The following CELA3A variants were observed in gnomAD, a reference collection of about 807,000 sequenced individuals.
CELA3A encodes the protein chymotrypsin like elastase 3A, also known as chymotrypsin-like elastase family member 3A.
A neutral mutation model predicts 38.6 loss-of-function variants in CELA3A; 35 were observed. That is an observed-to-expected ratio of 0.91 (90% CI 0.69 to 1.20). The LOEUF (loss-of-function observed/expected upper bound fraction) is 1.20. Among genes scored for constraint, CELA3A ranks in the 50% most tolerant of loss-of-function variants. The pLI, the probability that CELA3A is intolerant of heterozygous loss-of-function variation, is 0.00. For missense variants in CELA3A, 343 were observed against 354.2 expected (o/e 0.97, Z 0.25); for synonymous variants, 143 against 136.7 (o/e 1.05, Z -0.32).
Position 22,005,526 on chromosome 1 carries a change from C to T in CELA3A, c.209C>T (p.Thr70Ile), listed in dbSNP as rs564144786. Reference sequence around the variant, plus strand: ...CTCATCGCCCCCGATTGGGTTGTGACTGCCGGCCACTGCATCTCGTGAGTT... The same window carrying T: ...CTCATCGCCCCCGATTGGGTTGTGATTGCCGGCCACTGCATCTCGTGAGTT... ...GSLIAPDWVV[T>I]AGHCISRDLT... is the part of the protein sequence containing the mutation. Residue 70 changes from threonine to isoleucine, a missense_variant, in exon 3 of 8, where the codon ACT (threonine) becomes ATT (isoleucine). By Grantham distance (89) the Thr-to-Ile change is moderately conservative. Transcript: ENST00000290122. 21 of 1,612,918 alleles carry T rather than the reference C, an allele frequency of 1.3e-5. No homozygotes were observed. The highest frequency in any genetic ancestry group is 9.4e-5 in the African/African-American group (7 of 74,520).
intron 4 of CELA3A, 127 bp downstream of exon 4, chr1:22,005,923 A>G (rs1299907096): frequency 5.1e-6 from 8 of 1,555,396 alleles, no homozygotes; most frequent in Non-Finnish European, 7.0e-6. Context: ...GGGACAGGGG[A>G]GCTGAGTCCA....
At chr1:22,001,857 C>T in intron 1 of CELA3A, 140 bp downstream of exon 1, 3 of 1,217,322 alleles carry the variant, frequency 2.5e-6, no homozygotes, top group South Asian at 1.3e-5. Flanking sequence ...GGGGGCATGA[C>T]TGTAGGGGCT....
intron 6 of CELA3A, among the ~76,000 whole-genome samples, chr1:22,008,683 C>T (rs56925062): frequency 1.3e-5 from 2 of 149,870 alleles, no homozygotes; most frequent in African/African-American, 2.5e-5. Context: ...GGTGTGAACC[C>T]AGGAGTTGGA....
At position 22,003,689 on chromosome 1, in the gene CELA3A, A is replaced by G. The variant is rs185361093; in HGVS notation, c.129+601A>G. 6.0e-5 allele frequency among the ~76,000 whole-genome samples: 9 copies of G among 150,946 alleles called. No individual in the cohort carries two copies. The East Asian group carries it at 1.6e-3, about 26-fold the overall frequency. ...AGAGTGAGACTCTGTCTCAAAAAAA[A>G]AAATTAAATTAAATTATTATTACTA... On this transcript the variant is annotated intron_variant, in intron 2 of 7. Transcript: ENST00000290122.
In CELA3A at chr1:22,005,709, TGAA is replaced by T. The variant is rs1227776928; in HGVS notation, c.277_279del (p.Lys93del). On this transcript the variant is annotated inframe_deletion, in exon 4 of 8. Coordinates refer to ENST00000290122, the MANE Select transcript of CELA3A (RefSeq NM_005747.5). ...GTGTTGGGTGAGTACAACCTTGCTG[TGAA>T]GGAGGGCCCCGAGCAGGTGATCCCC... 6.2e-7 allele frequency: 1 copy of T among 1,612,208 alleles called. No individual in the cohort carries two copies. Among genetic ancestry groups the T allele is most frequent in the African/African-American group, 1.3e-5 (1 of 74,176 alleles).
chr1:22,008,173 C>T (rs536117813), intron 6 of CELA3A, among the ~76,000 whole-genome samples: 36 of 17,830 alleles, frequency 2.0e-3, no homozygotes, highest in African/African-American at 2.8e-3. Context: ...TTTTTTGAGA[C>T]AGGATCTTGC....
In CELA3A at chr1:22,008,541, C is replaced by T. The variant is rs1162327141; in HGVS notation, c.642+1026C>T. Among the ~76,000 whole-genome samples the T allele has an allele frequency of 1.3e-4, 19 of 150,662 alleles. 1 individual carries two copies. The highest frequency in any genetic ancestry group is 4.0e-4 in the East Asian group (2 of 5,046). ...TTGGGAGGCCGAGCCGGGCGGATCA[C>T]GAGGTCAGGAGATCGAGATCATCCT... On this transcript the variant is annotated intron_variant, in intron 6 of 7. Transcript: ENST00000290122.
chr1:22,006,315 T>C lies in CELA3A; in HGVS notation c.362+519T>C, dbSNP rs193142123. On this transcript the variant is annotated intron_variant, in intron 4 of 7. Transcript: ENST00000290122. ...TGACCATGAAGTTGGGCTTCCTGGG[T>C]GGTGTGAAGGCCAAGGAGACAATCT... 9.1e-4 allele frequency among the ~76,000 whole-genome samples: 138 copies of C among 151,406 alleles called. 2 individuals carry two copies. The highest frequency in any genetic ancestry group is 1.7e-3 in the Non-Finnish European group (115 of 67,914).
At chr1:22,008,179 C>A (rs374474997) in intron 6 of CELA3A, among the ~76,000 whole-genome samples, 1 of 41,744 alleles carries the variant, frequency 2.4e-5, no homozygotes, top group African/African-American at 4.4e-5. Context: ...GAGACAGGAT[C>A]TTGCTCTGTT....
chr1:22,006,483 T>C (rs949039903), intron 4 of CELA3A, among the ~76,000 whole-genome samples: 1 of 151,188 alleles, frequency 6.6e-6, no homozygotes, highest in Admixed American at 6.6e-5. Flanking sequence ...GCCAAGATCA[T>C]GCCACTGCAC....
chr1:22,009,866 G>T lies in CELA3A; in HGVS notation c.795+9G>T, dbSNP rs778316237. Reference sequence around the variant, plus strand: ...TCGACTGGATTGAGGAGGTGAGGAGGGCAGGGCGGCCCGGAGGGCTTTAGG... The same window carrying T: ...TCGACTGGATTGAGGAGGTGAGGAGTGCAGGGCGGCCCGGAGGGCTTTAGG... On this transcript the variant is annotated intron_variant, in intron 7 of 7. Transcript: ENST00000290122. The T allele has an allele frequency of 1.9e-6, 3 of 1,610,458 alleles. No individual in the cohort carries two copies. In the African/African-American group the frequency reaches 4.0e-5, roughly 22 times the overall value.
At position 22,007,493 on chromosome 1, in the gene CELA3A, G is replaced by T. The variant is rs762542836; in HGVS notation, c.620G>T (p.Gly207Val). The T allele has an allele frequency of 3.7e-6, 6 of 1,610,592 alleles. No homozygotes were observed. Among genetic ancestry groups the T allele is most frequent in the Non-Finnish European group, 4.2e-6 (5 of 1,178,416 alleles). The change falls in exon 6 of 8, where the codon GGG (glycine) becomes GTG (valine). Residue 207 changes from glycine (G) to valine (V), a missense_variant. Physicochemically the swap from Gly to Val is moderately radical, Grantham distance 109 (BLOSUM62 -3). Coordinates refer to ENST00000290122, the MANE Select transcript of CELA3A (RefSeq NM_005747.5). ...TVKKTMVCAGGYIRSGCNGDS... is the reference protein window; with the variant it reads ...TVKKTMVCAGVYIRSGCNGDS... ...AAGAAAACCATGGTGTGTGCTGGAG[G>T]GTACATCCGCTCCGGCTGCAACGTG...
chr1:22,008,757 T>C (rs2152819762), intron 6 of CELA3A, among the ~76,000 whole-genome samples: 1 of 142,580 alleles, frequency 7.0e-6, no homozygotes, highest in African/African-American at 2.6e-5. Context: ...AGACGCTGAC[T>C]CAGAAAAAAA....
At chr1:22,010,194 A>G (rs1336314192) in intron 7 of CELA3A, 3 of 385,812 alleles carry the variant, frequency 7.8e-6, no homozygotes, top group African/African-American at 2.2e-5. Context: ...AGGTGATTAC[A>G]TGAATGAGAA....
At chr1:22,008,131 C>T (rs200807962) in intron 6 of CELA3A, among the ~76,000 whole-genome samples, 6,491 of 114,440 alleles carry the variant, frequency 0.057, 515 homozygotes, top group African/African-American at 0.14. Context: ...CCAAGCCTGG[C>T]GACACAGCAA....
rs564454943 is a variant in CELA3A, at chr1:22,001,974, C to T, written c.43+257C>T. 6.6e-5 allele frequency among the ~76,000 whole-genome samples: 10 copies of T among 151,114 alleles called. 1 individual carries two copies. The South Asian group carries it at 1.9e-3, about 28-fold the overall frequency. ...GATGGGGGCAGTAAACAAAGTCAAA[C>T]GGTTAAGAGTTTGGACTGTGTGGTT... On this transcript the variant is annotated intron_variant, in intron 1 of 7. Transcript: ENST00000290122.
chr1:22,007,045 A>G (rs11583776), intron 5 of CELA3A, 31 bp downstream of exon 5: 64,651 of 1,599,440 alleles, frequency 0.04, 4,062 homozygotes, highest in African/African-American at 0.21. Context: ...CTGGCCACAG[A>G]GACAGTGGCA....
At chr1:22,003,969 G>A (rs897805395) in intron 2 of CELA3A, among the ~76,000 whole-genome samples, 1 of 150,996 alleles carries the variant, frequency 6.6e-6, no homozygotes, top group Admixed American at 6.6e-5. Context: ...CTCTCAAAGT[G>A]CTGGGATTAC....
chr1:22,005,416 C>T, intron 2 of CELA3A, 31 bp from the exon 3 acceptor site: 1 of 1,608,904 alleles, frequency 6.2e-7, no homozygotes. Context: ...GGGGCCCAGC[C>T]CACTGAGGCC....
Sources: gnomAD v4.1 joint callset for allele counts (sites outside exome capture counted in the v4.1 genomes callset) on GRCh38, gnomAD v4.1.1 for gene constraint, MANE v1.5 for transcripts, NCBI Gene and HGNC (gene_info 2026-07-23, HGNC 2026-07-21) for gene names.